The following CES4A variants were observed in gnomAD, a reference collection of about 807,000 sequenced individuals.
CES4A encodes carboxylesterase 6.
A neutral mutation model predicts 65.4 loss-of-function variants in CES4A; 48 were observed. That is an observed-to-expected ratio of 0.73 (90% CI 0.58 to 0.93). CES4A has a LOEUF of 0.93. Ranked by LOEUF, CES4A falls within the 40% of genes least tolerant of loss-of-function variation. The probability of loss-of-function intolerance (pLI) is 0.00; values close to 1 mark genes in which losing one functional copy is unlikely to be tolerated. For synonymous variants in CES4A, 247 were observed against 281.8 expected, an observed-to-expected ratio of 0.88 and a Z score of 1.24; for missense variants, 685 against 728.5, an observed-to-expected ratio of 0.94 and a Z score of 0.69.
intron 1 of CES4A, among the ~76,000 whole-genome samples, chr16:66,991,578 G>A (rs1440511125): frequency 6.6e-6 from 1 of 152,226 alleles, no homozygotes; most frequent in Non-Finnish European, 1.5e-5. Flanking sequence ...TAGCAGAGCT[G>A]GGATGGGGAC....
Position 67,003,890 on chromosome 16 carries a change from C to A in CES4A, c.940-194C>A, listed in dbSNP as rs1965542239. The stretch of plus-strand genomic sequence containing the variant: ...GCTATACAGATACCCGCGGCCATCC[C>A]AAGTCCACGTAATTTGGTCCTGCCT... On this transcript the variant is annotated intron_variant, in intron 8 of 13. Transcript: ENST00000648724. This position sits in a 1 kb window ranked among gnomAD's most constrained non-coding sequence, Gnocchi z 4.2. 6.6e-6 allele frequency among the ~76,000 whole-genome samples: 1 copy of A among 152,146 alleles called. No homozygotes were observed. The highest frequency in any genetic ancestry group is 6.6e-5 in the Admixed American group (1 of 15,264).
intron 1 of CES4A, among the ~76,000 whole-genome samples, chr16:66,994,564 G>T (rs1299674269): frequency 6.6e-6 from 1 of 151,350 alleles, no homozygotes; most frequent in Non-Finnish European, 1.5e-5. Context: ...AAATGAGGTC[G>T]GGCACGGTGG....
chr16:67,009,002 T>G, exon 14 of CES4A: 1 of 1,614,156 alleles, frequency 6.2e-7, no homozygotes. Flanking sequence ...TCTGCCCTGC[T>G]GGCCACGCTA....
chr16:67,003,327 A>G lies in CES4A; in HGVS notation c.867A>G (p.Ser289=). ...TGGTAAACTGCCTGAGGGCACTATC[A>G]GGGACCAAGGTGATGCGTGTGTCCA... The change falls in exon 7 of 14, where the codon TCA becomes TCG. Residue 289 remains serine, a synonymous_variant. Transcript: ENST00000648724. The surrounding 1 kb of genome is among the most constrained non-coding windows in gnomAD (Gnocchi z 4.2). 6.2e-7 allele frequency: 1 copy of G among 1,614,078 alleles called. No homozygotes were observed. Among genetic ancestry groups the G allele is most frequent in the Non-Finnish European group, 8.5e-7 (1 of 1,180,018 alleles).
At chr16:67,005,439 C>T (rs781430068) in intron 11 of CES4A, 46 bp downstream of exon 11, 2 of 1,588,936 alleles carry the variant, frequency 1.3e-6, no homozygotes, top group Non-Finnish European at 1.7e-6. Context: ...CGTCCACTCT[C>T]CAGGTGTGCT....
chr16:67,009,422 C>T lies in CES4A; in HGVS notation c.*280C>T, dbSNP rs959983203. 1.6e-5 allele frequency: 5 copies of T among 322,394 alleles called. No individual in the cohort carries two copies. The Admixed American group carries it at 2.3e-4, about 15-fold the overall frequency. 20.0% of individuals were successfully genotyped at this position (322,394 alleles called of 1,614,324 possible). On this transcript the variant is annotated 3_prime_UTR_variant, in exon 14 of 14. Transcript: ENST00000648724. ...CACCACACTGTGCTCAGCTCTCCAGCCTCAGGACAACCTCTTTTTTTCCCT... is the reference window on the plus strand; with the variant it reads ...CACCACACTGTGCTCAGCTCTCCAGTCTCAGGACAACCTCTTTTTTTCCCT...
chr16:66,999,364 A>G (rs1281537723), intron 2 of CES4A, among the ~76,000 whole-genome samples: 2 of 152,220 alleles, frequency 1.3e-5, no homozygotes, highest in African/African-American at 4.8e-5. Context: ...CTACAAAAAT[A>G]CCCCAAATAT....
In CES4A at chr16:67,000,521, A is replaced by ACGCACACGCACG; in HGVS notation, c.261-110_261-99dup. 1 of 1,455,022 alleles carries ACGCACACGCACG rather than the reference A, an allele frequency of 6.9e-7. No homozygotes were observed. The highest frequency in any genetic ancestry group is 9.1e-7 in the Non-Finnish European group (1 of 1,101,414). 90.1% of individuals were successfully genotyped at this position (1,455,022 alleles called of 1,614,324 possible). ...TACACGCACACGCACGCACATGCGC[A>ACGCACACGCACG]CGCACACGCACGCGCACAGACGCTG... On this transcript the variant is annotated intron_variant, in intron 2 of 13. Transcript: ENST00000648724. This position sits in a 1 kb window ranked among gnomAD's most constrained non-coding sequence, Gnocchi z 4.2.
At position 67,000,367 on chromosome 16, in the gene CES4A, C is replaced by T; in HGVS notation, c.261-271C>T. 1 of 647,946 alleles carries T rather than the reference C, an allele frequency of 1.5e-6. No individual in the cohort carries two copies. Among genetic ancestry groups the T allele is most frequent in the Non-Finnish European group, 1.9e-6 (1 of 521,878 alleles). The allele number at this position is 647,946 out of a possible 1,614,324, so 40.1% of individuals were successfully genotyped here. A position where few individuals can be genotyped will look rare whatever the true frequency, so the allele number is the denominator to read the frequency against. ...GGGAGGTGCCCAGGGCAGGCAGGTT[C>T]CTGCCTTGACAGCACCAACAGGAGC... On this transcript the variant is annotated intron_variant, in intron 2 of 13. Coordinates refer to ENST00000648724, the Ensembl canonical transcript of CES4A. The surrounding 1 kb of genome is among the most constrained non-coding windows in gnomAD (Gnocchi z 4.2).
At chr16:66,993,415 T>C (rs1158055203) in intron 1 of CES4A, among the ~76,000 whole-genome samples, 1 of 152,190 alleles carries the variant, frequency 6.6e-6, no homozygotes, top group Non-Finnish European at 1.5e-5. Context: ...AAATCTCGGC[T>C]CACTGCAACC....
intron 2 of CES4A, among the ~76,000 whole-genome samples, chr16:66,997,948 A>AAC (rs57562021): frequency 0.014 from 1,740 of 127,318 alleles, 40 homozygotes; most frequent in African/African-American, 0.042. Flanking sequence ...CCCTATCTAA[A>AAC]ACACACACAC....
At position 66,988,840 on chromosome 16, in the gene CES4A, C is replaced by T. The variant is rs1163825693; in HGVS notation, c.58+10C>T. On this transcript the variant is annotated intron_variant, in intron 1 of 13. Transcript: ENST00000648724. ...GCGCAGACGGCCTTGGGTAAGACCCCCACCCCTTCCCGAGAGTGTCAGGCA... is the reference window on the plus strand; with the variant it reads ...GCGCAGACGGCCTTGGGTAAGACCCTCACCCCTTCCCGAGAGTGTCAGGCA... The T allele has an allele frequency of 1.9e-6, 3 of 1,558,372 alleles. No individual in the cohort carries two copies. The highest frequency in any genetic ancestry group is 1.7e-6 in the Non-Finnish European group (2 of 1,150,644).
chr16:67,006,798 GC>G lies in CES4A; in HGVS notation c.1500del (p.Asn501ThrfsTer36), dbSNP rs775530326. ...TAGCCTCCAGATGATGAAATACTGG[GC>G]CAACTTTGCCCGCACAGGGTGAGTC... On this transcript the variant is annotated frameshift_variant, in exon 13 of 14. Transcript: ENST00000648724. LOFTEE classifies it low-confidence loss of function (END_TRUNC). 2 of 1,613,972 alleles carry G rather than the reference GC, an allele frequency of 1.2e-6. No individual in the cohort carries two copies. Among genetic ancestry groups the G allele is most frequent in the Admixed American group, 3.3e-5 (2 of 59,980 alleles).
At chr16:66,990,457 G>T (rs1964301315) in intron 1 of CES4A, among the ~76,000 whole-genome samples, 1 of 152,170 alleles carries the variant, frequency 6.6e-6, no homozygotes, top group African/African-American at 2.4e-5. Context: ...AGCATTTTGG[G>T]AGTCTGATGT....
chr16:66,996,013 C>T (rs930453570), intron 2 of CES4A, 184 bp downstream of exon 2: 3 of 702,124 alleles, frequency 4.3e-6, no homozygotes, highest in Non-Finnish European at 7.7e-6. Flanking sequence ...GTTTACATCA[C>T]TGACAATGCT....
chr16:67,008,997 C>G (rs1275949295), exon 14 of CES4A: 2 of 1,613,832 alleles, frequency 1.2e-6, no homozygotes, highest in Non-Finnish European at 1.7e-6. Flanking sequence ...GGGAATCTGC[C>G]CTGCTGGCCA....
At position 67,001,225 on chromosome 16, in the gene CES4A, G is replaced by A. The variant is rs1965314823; in HGVS notation, c.537-83G>A. On this transcript the variant is annotated intron_variant, in intron 4 of 13. Transcript: ENST00000648724. The surrounding 1 kb of genome is among the most constrained non-coding windows in gnomAD (Gnocchi z 4.1). Reference sequence around the variant, plus strand: ...GGTCTTAGAGGGGCAAGGCTGGGCTGGGTGGGGGAAGCCCAGGAGGGCAGC... The same window carrying A: ...GGTCTTAGAGGGGCAAGGCTGGGCTAGGTGGGGGAAGCCCAGGAGGGCAGC... 2.7e-6 allele frequency: 4 copies of A among 1,463,702 alleles called. No homozygotes were observed. The African/African-American group carries it at 4.2e-5, about 15-fold the overall frequency. The allele number at this position is 1,463,702 out of a possible 1,614,324, so 90.7% of individuals were successfully genotyped here. A position where few individuals can be genotyped will look rare whatever the true frequency, so the allele number is the denominator to read the frequency against.
chr16:67,003,148 A>C lies in CES4A; in HGVS notation c.769A>C (p.Thr257Pro). 6.2e-7 allele frequency: 1 copy of C among 1,613,894 alleles called. No homozygotes were observed. The highest frequency in any genetic ancestry group is 1.1e-5 in the South Asian group (1 of 91,074). ...CACCGCGTTATTCAGACTTTTCATC[A>C]CTAGTAACCCACTGAAAGTGGCCAA... The change falls in exon 6 of 14, where the codon ACT becomes CCT. Residue 257 changes from threonine to proline, a missense_variant. Coordinates refer to ENST00000648724, the Ensembl canonical transcript of CES4A. This position sits in a 1 kb window ranked among gnomAD's most constrained non-coding sequence, Gnocchi z 4.2.
chr16:67,002,045 C>T (rs1290186524), intron 5 of CES4A, among the ~76,000 whole-genome samples: 2 of 152,252 alleles, frequency 1.3e-5, no homozygotes, highest in African/African-American at 4.8e-5. Flanking sequence ...GTGTCGTCAT[C>T]CATGTAATTC....
Sources: gnomAD v4.1 joint callset for allele counts (sites outside exome capture counted in the v4.1 genomes callset) on GRCh38, gnomAD v4.1.1 for gene constraint, Gnocchi (gnomAD v3.1) non-coding constraint, MANE v1.5 for transcripts, NCBI Gene and HGNC (gene_info 2026-07-23, HGNC 2026-07-21) for gene names.